The following PLCB4 variants were observed in gnomAD, a reference collection of about 807,000 sequenced individuals.
PLCB4 encodes phospholipase C beta 4.
A neutral mutation model predicts 178.8 loss-of-function variants in PLCB4; 77 were observed. The observed-to-expected ratio is 0.43, with a 90% CI of 0.36 to 0.52. PLCB4 has a LOEUF of 0.52. Among genes scored for constraint, PLCB4 ranks in the 20% least tolerant of loss-of-function variants. The pLI, the probability that PLCB4 is intolerant of heterozygous loss-of-function variation, is 0.00. For synonymous variants in PLCB4, 496 were observed against 490.8 expected (o/e 1.01, Z -0.14); for missense variants, 1,024 against 1,453.4 (o/e 0.70, Z 4.80).
intron 2 of PLCB4, among the ~76,000 whole-genome samples, chr20:9,157,146 C>G (rs754665427): frequency 6.6e-6 from 1 of 150,944 alleles, no homozygotes; most frequent in South Asian, 2.1e-4. Flanking sequence ...TCTGATTCAT[C>G]AAGATGCTCA....
At chr20:9,460,311 A>G (rs1287818303) in intron 35 of PLCB4, among the ~76,000 whole-genome samples, 1 of 152,188 alleles carries the variant, frequency 6.6e-6, no homozygotes, top group East Asian at 1.9e-4. Flanking sequence ...TGGCCTTTGG[A>G]GAATGATCTG....
intron 3 of PLCB4, among the ~76,000 whole-genome samples, chr20:9,292,404 G>T (rs2094587815): frequency 6.6e-6 from 1 of 152,102 alleles, no homozygotes; most frequent in Non-Finnish European, 1.5e-5. Context: ...CTTATGGGCT[G>T]CCCAGAGGTC....
chr20:9,344,359 G>C (rs2148114982), intron 7 of PLCB4, among the ~76,000 whole-genome samples: 1 of 152,232 alleles, frequency 6.6e-6, no homozygotes, highest in Middle Eastern at 3.4e-3. Flanking sequence ...CCTGCTCTGT[G>C]TTTCTTCTTA....
chr20:9,231,300 A>G (rs1041891784), intron 3 of PLCB4, among the ~76,000 whole-genome samples: 1 of 152,072 alleles, frequency 6.6e-6, no homozygotes, highest in Non-Finnish European at 1.5e-5. Context: ...ACCTCCAGCT[A>G]TTATCTTGTG....
At chr20:9,228,162 G>A (rs1165351276) in intron 3 of PLCB4, among the ~76,000 whole-genome samples, 1 of 152,210 alleles carries the variant, frequency 6.6e-6, no homozygotes, top group Non-Finnish European at 1.5e-5. Flanking sequence ...CATTTGCAGT[G>A]ATAACTAGAC....
In PLCB4 at chr20:9,408,705, T is replaced by C. The variant is rs1037593807; in HGVS notation, c.1862T>C (p.Ile621Thr). 4 of 1,559,056 alleles carry C rather than the reference T, an allele frequency of 2.6e-6. No individual in the cohort carries two copies. The highest frequency in any genetic ancestry group is 3.5e-6 in the Non-Finnish European group (4 of 1,130,090). Residue 621 changes from isoleucine (I) to threonine (T), a missense_variant, in exon 23 of 40, where the codon ATT becomes ACT. Ile to Thr is a moderately conservative substitution (Grantham distance 89). Around this residue, in one of 7 missense-constraint regions of PLCB4, gnomAD observed 263 missense variants for 417.4 expected, o/e 0.63. Coordinates refer to ENST00000378473, the MANE Select transcript of PLCB4 (RefSeq NM_001377142.1). ...VGLGYLKTHA[I>T]EFVNYNKRQM... ...CTTGGCTACTTGAAGACACATGCAA[T>C]TGAATTTGTCAAGTATCCTTATGTA...
intron 18 of PLCB4, among the ~76,000 whole-genome samples, chr20:9,394,648 T>G (rs189930104): frequency 6.6e-6 from 1 of 152,320 alleles, no homozygotes; most frequent in Admixed American, 6.5e-5. Flanking sequence ...TGATGGATTT[T>G]CACTACTATA....
At chr20:9,083,044 A>G (rs2090233176) in intron 1 of PLCB4, among the ~76,000 whole-genome samples, 1 of 152,214 alleles carries the variant, frequency 6.6e-6, no homozygotes, top group Admixed American at 6.5e-5. Flanking sequence ...CCACTCCTTA[A>G]TTAAGAGCAG....
In PLCB4 at chr20:9,468,619, T is replaced by C. The variant is rs757051396; in HGVS notation, c.3297T>C (p.Asn1099=). 1.1e-5 allele frequency: 17 copies of C among 1,612,314 alleles called. No individual in the cohort carries two copies. In the Admixed American group the frequency reaches 2.8e-4, roughly 27 times the overall value. The change falls in exon 36 of 40, where the codon AAT becomes AAC. Residue 1099 remains asparagine, a synonymous_variant. Transcript: ENST00000378473. ...RAHQAKISME[N]SKAISQDKSI... is the part of the protein sequence containing the mutation. ...ACCAGGCTAAGATTTCTATGGAAAA[T>C]AGCAAAGCCATCAGCCAAGATAAAT...
chr20:9,356,829 A>T (rs957442642), intron 7 of PLCB4, among the ~76,000 whole-genome samples: 1 of 152,212 alleles, frequency 6.6e-6, no homozygotes, highest in African/African-American at 2.4e-5. Flanking sequence ...ACTTAAACAA[A>T]AATGGGCCAG....
chr20:9,161,128 C>T (rs968769812), intron 2 of PLCB4, among the ~76,000 whole-genome samples: 13 of 152,126 alleles, frequency 8.5e-5, no homozygotes, highest in South Asian at 6.2e-4. Flanking sequence ...ATATCATTAT[C>T]CCAATTTTAC....
At chr20:9,202,420 C>T (rs1160423176) in intron 2 of PLCB4, among the ~76,000 whole-genome samples, 5 of 152,098 alleles carry the variant, frequency 3.3e-5, no homozygotes, top group African/African-American at 1.2e-4. Flanking sequence ...ACCAGTTATA[C>T]CTCTGATGCC....
chr20:9,217,097 G>A (rs1049985686), intron 2 of PLCB4, among the ~76,000 whole-genome samples: 4 of 152,178 alleles, frequency 2.6e-5, no homozygotes, highest in African/African-American at 7.2e-5. Flanking sequence ...AGATAGCCTT[G>A]TTGTTCTATT....
chr20:9,131,318 TC>T (rs1007516459), intron 2 of PLCB4, among the ~76,000 whole-genome samples: 16 of 151,992 alleles, frequency 1.1e-4, no homozygotes, highest in African/African-American at 3.9e-4. Context: ...CTTCTTTTCC[TC>T]CCTCCTTCTG....
intron 34 of PLCB4, 146 bp downstream of exon 34, chr20:9,457,635 A>T: frequency 1.6e-6 from 1 of 622,038 alleles, no homozygotes. Context: ...AGGGGAGCCC[A>T]GGGTTCATGT....
intron 2 of PLCB4, among the ~76,000 whole-genome samples, chr20:9,126,771 C>CTTT (rs34634088): frequency 1.7e-5 from 2 of 119,698 alleles, no homozygotes; most frequent in Non-Finnish European, 3.6e-5. Flanking sequence ...ATTTCATTTG[C>CTTT]TTTTTTTTTT....
At chr20:9,223,516 G>A (rs928407510) in intron 3 of PLCB4, among the ~76,000 whole-genome samples, 2 of 152,210 alleles carry the variant, frequency 1.3e-5, no homozygotes, top group Admixed American at 6.5e-5. Context: ...GGCAGCTGAC[G>A]CTGGAAGAGC....
chr20:9,319,779 A>G (rs1253391988), intron 4 of PLCB4, among the ~76,000 whole-genome samples: 1 of 152,156 alleles, frequency 6.6e-6, no homozygotes, highest in East Asian at 1.9e-4. Context: ...CATCAATTCA[A>G]ACACAAATCT....
intron 3 of PLCB4, among the ~76,000 whole-genome samples, chr20:9,222,301 G>A (rs2093809929): frequency 6.6e-6 from 1 of 151,780 alleles, no homozygotes; most frequent in South Asian, 2.1e-4. Flanking sequence ...CTATGTTGAC[G>A]AGGCTGGTTT....
Sources: allele counts gnomAD v4.1 joint callset (sites outside exome capture counted in the v4.1 genomes callset), GRCh38; gene constraint gnomAD v4.1.1; regional missense constraint gnomAD v4.1.1; transcripts MANE v1.5; gene names NCBI Gene and HGNC (gene_info 2026-07-23, HGNC 2026-07-21).